RPS6KC1: variants seen among roughly 807,000 people sequenced by gnomAD.
RPS6KC1 encodes the protein ribosomal protein S6 kinase C1.
In RPS6KC1, 54 loss-of-function variants were observed where a neutral mutation model predicts 103.8. The observed-to-expected ratio is 0.52, with a 90% CI of 0.42 to 0.65. The LOEUF is 0.65. Ranked by LOEUF, RPS6KC1 falls within the 30% of genes least tolerant of loss-of-function variation. The pLI is 0.00. For missense variants in RPS6KC1, 1,151 were observed against 1,253.8 expected (o/e 0.92, Z 1.24); for synonymous variants, 439 against 438.7 (o/e 1.00, Z -0.01).
At chr1:213,496,904 C>T in the RPS6KC1 span, among the ~76,000 whole-genome samples, 38,389 of 152,184 alleles carry the variant, frequency 0.25, 5,501 homozygotes, top group Middle Eastern at 0.38. Context: ...GAAGCATTTA[C>T]ACCACAAGGG....
the RPS6KC1 span, among the ~76,000 whole-genome samples, chr1:213,506,832 T>C: frequency 9.2e-5 from 14 of 152,328 alleles, no homozygotes; most frequent in South Asian, 1.0e-3. Context: ...GGAATAATAA[T>C]TCCTGGGGGA....
chr1:213,262,642 C>T (rs1025534079), intron 13 of RPS6KC1, 79 bp from the exon 14 acceptor site: 2 of 924,454 alleles, frequency 2.2e-6, no homozygotes, highest in South Asian at 1.3e-5. Context: ...GCTCTCTGTA[C>T]TTGCTGTCCA....
the RPS6KC1 span, among the ~76,000 whole-genome samples, chr1:213,592,390 T>C: frequency 1.3e-5 from 2 of 152,212 alleles, no homozygotes; most frequent in African/African-American, 4.8e-5. Context: ...TTTTAATAAT[T>C]TAAAAATTTT....
intron 6 of RPS6KC1, among the ~76,000 whole-genome samples, chr1:213,137,825 T>TTTTTTTC (rs1212063885): frequency 8.1e-5 from 10 of 123,412 alleles, no homozygotes; most frequent in Non-Finnish European, 1.5e-4. Flanking sequence ...TTTTTTTTTT[T>TTTTTTTC]TCCTTCCCCC....
chr1:213,649,104 C>G, the RPS6KC1 span, among the ~76,000 whole-genome samples: 1 of 152,048 alleles, frequency 6.6e-6, no homozygotes, highest in African/African-American at 2.4e-5. Flanking sequence ...GCTGAGGGCT[C>G]ACCATTGCCC....
chr1:213,598,837 C>T, the RPS6KC1 span, among the ~76,000 whole-genome samples: 1 of 152,114 alleles, frequency 6.6e-6, no homozygotes. Context: ...AGAAGAATCG[C>T]TTGAACCTGG....
chr1:213,595,994 A>C, the RPS6KC1 span, among the ~76,000 whole-genome samples: 2 of 152,168 alleles, frequency 1.3e-5, no homozygotes, highest in Non-Finnish European at 2.9e-5. Context: ...GTTTTTAAAT[A>C]CCAGAACAAA....
chr1:213,406,088 C>A, the RPS6KC1 span, among the ~76,000 whole-genome samples: 1 of 152,200 alleles, frequency 6.6e-6, no homozygotes, highest in Non-Finnish European at 1.5e-5. Flanking sequence ...GCTGCCCAGT[C>A]AGAAAAGCTG....
At chr1:213,504,558 C>A in the RPS6KC1 span, among the ~76,000 whole-genome samples, 1 of 152,184 alleles carries the variant, frequency 6.6e-6, no homozygotes, top group African/African-American at 2.4e-5. Context: ...TGGAGCACAT[C>A]CTCAAGTAAT....
intron 4 of RPS6KC1, among the ~76,000 whole-genome samples, 170 bp from the exon 5 acceptor site, chr1:213,117,147 G>A (rs998708654): frequency 9.2e-5 from 14 of 152,032 alleles, no homozygotes; most frequent in Non-Finnish European, 1.5e-4. Flanking sequence ...TGTTACAGTC[G>A]ATGAGATATA....
At chr1:213,185,666 A>C (rs79833350) in intron 8 of RPS6KC1, among the ~76,000 whole-genome samples, 4,347 of 152,156 alleles carry the variant, frequency 0.029, 93 homozygotes, top group Middle Eastern at 0.095. Context: ...AGAAAAAAAA[A>C]ATTTAAATTC....
At chr1:213,253,118 T>G (rs2094573712) in intron 12 of RPS6KC1, among the ~76,000 whole-genome samples, 1 of 152,188 alleles carries the variant, frequency 6.6e-6, no homozygotes, top group Non-Finnish European at 1.5e-5. Context: ...TCTAAGAAGA[T>G]TCTGAACATA....
chr1:213,398,827 T>TCTAAGTC, the RPS6KC1 span, among the ~76,000 whole-genome samples: 1 of 152,162 alleles, frequency 6.6e-6, no homozygotes, highest in Non-Finnish European at 1.5e-5. Flanking sequence ...CCTCAGTTCT[T>TCTAAGTC]TGAGACATTA....
the RPS6KC1 span, among the ~76,000 whole-genome samples, chr1:213,614,627 A>T: frequency 6.6e-6 from 1 of 152,024 alleles, no homozygotes; most frequent in Non-Finnish European, 1.5e-5. Flanking sequence ...TCACTTCTTT[A>T]TTTCTTGGTT....
At chr1:213,342,799 A>G in the RPS6KC1 span, among the ~76,000 whole-genome samples, 1 of 152,212 alleles carries the variant, frequency 6.6e-6, no homozygotes, top group Admixed American at 6.5e-5. Flanking sequence ...AAGAACTAAA[A>G]GATAGAGATG....
At chr1:213,396,363 T>A in the RPS6KC1 span, among the ~76,000 whole-genome samples, 3 of 152,120 alleles carry the variant, frequency 2.0e-5, no homozygotes, top group Non-Finnish European at 4.4e-5. Context: ...ACCTGCCCAG[T>A]CTCTCCCTCT....
the RPS6KC1 span, among the ~76,000 whole-genome samples, chr1:213,287,209 G>T: frequency 1.3e-5 from 2 of 150,996 alleles, no homozygotes; most frequent in South Asian, 4.2e-4. Flanking sequence ...GGCACGTGAA[G>T]GAACTTCTGG....
chr1:213,137,559 C>T (rs997608843), intron 6 of RPS6KC1, among the ~76,000 whole-genome samples: 1 of 151,164 alleles, frequency 6.6e-6, no homozygotes, highest in African/African-American at 2.4e-5. Context: ...TCTCAAACTC[C>T]TGTCCTCAGG....
chr1:213,754,696 C>T, the RPS6KC1 span, among the ~76,000 whole-genome samples: 1 of 152,222 alleles, frequency 6.6e-6, no homozygotes, highest in East Asian at 1.9e-4. Flanking sequence ...TCGGTGGAAC[C>T]ATGAGCCAAT....
Sources: allele counts gnomAD v4.1 joint callset (sites outside exome capture counted in the v4.1 genomes callset), GRCh38; gene constraint gnomAD v4.1.1; transcripts MANE v1.5; gene names NCBI Gene and HGNC (gene_info 2026-07-23, HGNC 2026-07-21).